Variants in RAPGEF1 observed in about 807,000 individuals in gnomAD.
RAPGEF1 encodes Rap guanine nucleotide exchange factor 1, also known as CRK SH3-binding GNRP.
RAPGEF1 carries 33 observed loss-of-function variants against 143.3 expected under a neutral mutation model. The ratio of observed to expected loss-of-function variants is 0.23; its 90% CI spans 0.17 to 0.31. The LOEUF (loss-of-function observed/expected upper bound fraction) is 0.31. RAPGEF1 is among the 10% of genes least tolerant of loss of function. RAPGEF1 has a pLI of 1.00. For missense variants in RAPGEF1, 1,199 were observed against 1,645.4 expected (o/e 0.73, Z 4.69); for synonymous variants, 629 against 676.5 (o/e 0.93, Z 1.09).
At chr9:131,627,834 T>G (rs1963699836) in intron 9 of RAPGEF1, 79 bp downstream of exon 9, 1 of 1,445,894 alleles carries the variant, frequency 6.9e-7, no homozygotes, top group Non-Finnish European at 9.3e-7. Flanking sequence ...TTGCATGACC[T>G]GGGACTCCCA....
intron 12 of RAPGEF1, among the ~76,000 whole-genome samples, chr9:131,614,964 T>C (rs189814206): frequency 6.6e-6 from 1 of 152,334 alleles, no homozygotes; most frequent in Admixed American, 6.5e-5. Flanking sequence ...TAAAGAAATA[T>C]TTCAACAGAT....
chr9:131,585,165 G>T (rs1268314943), intron 22 of RAPGEF1, among the ~76,000 whole-genome samples: 1 of 152,192 alleles, frequency 6.6e-6, no homozygotes, highest in Non-Finnish European at 1.5e-5. Flanking sequence ...GGGTCACTTG[G>T]AGGTGGTGCC....
rs756243854 is a variant in RAPGEF1 at position 131,630,277 on chromosome 9, C to T, written c.699G>A (p.Thr233=). 7.4e-6 allele frequency: 12 copies of T among 1,613,618 alleles called. No individual in the cohort carries two copies. Among genetic ancestry groups the T allele is most frequent in the South Asian group, 3.3e-5 (3 of 91,042 alleles). ...CAGGGGAACTGGGCTTCACGGGGCT[C>T]GTCGGAGACGGACGTCCCTGCTTCT... ...TIEKQGRPSP[T]SPVKPSSPAS... Residue 233 remains threonine (T), a synonymous_variant, in exon 6 of 27, where the codon ACG becomes ACA. Coordinates refer to ENST00000683357, the MANE Select transcript of RAPGEF1 (RefSeq NM_001377935.1).
At chr9:131,660,717 T>C (rs1198107097) in intron 1 of RAPGEF1, among the ~76,000 whole-genome samples, 1 of 152,220 alleles carries the variant, frequency 6.6e-6, no homozygotes, top group East Asian at 1.9e-4. Flanking sequence ...CTGAGCTGAA[T>C]GCAGCCAGCA....
intron 1 of RAPGEF1, among the ~76,000 whole-genome samples, chr9:131,708,261 T>C (rs556193790): frequency 7.2e-5 from 11 of 152,360 alleles, no homozygotes; most frequent in Admixed American, 7.2e-4. Context: ...TTGCTACTGA[T>C]CAAATGCTAC....
intron 1 of RAPGEF1, chr9:131,737,268 G>A: frequency 7.1e-7 from 1 of 1,414,874 alleles, no homozygotes; most frequent in Non-Finnish European, 9.9e-7. Context: ...GCAGCTCCTG[G>A]TCAGCCCCTT....
intron 12 of RAPGEF1, among the ~76,000 whole-genome samples, chr9:131,617,395 G>A (rs1184089788): frequency 1.3e-5 from 2 of 152,238 alleles, no homozygotes; most frequent in Non-Finnish European, 1.5e-5. Context: ...AGTACCCATT[G>A]GGAGAATGCA....
At chr9:131,656,742 C>T (rs1435277680) in intron 1 of RAPGEF1, among the ~76,000 whole-genome samples, 3 of 152,110 alleles carry the variant, frequency 2.0e-5, no homozygotes, top group Admixed American at 6.5e-5. Flanking sequence ...AAAAAACCCT[C>T]TCAGGTTCAT....
At chr9:131,707,957 C>T (rs1380801635) in intron 1 of RAPGEF1, among the ~76,000 whole-genome samples, 2 of 152,164 alleles carry the variant, frequency 1.3e-5, no homozygotes, top group African/African-American at 4.8e-5. Context: ...ATTCAAATTT[C>T]CCGAACTGTC....
intron 1 of RAPGEF1, among the ~76,000 whole-genome samples, chr9:131,674,617 C>T (rs1464703445): frequency 4.6e-5 from 7 of 152,202 alleles, no homozygotes; most frequent in African/African-American, 9.6e-5. Flanking sequence ...GCTGCTTGGG[C>T]GGTGGGCGCG....
chr9:131,598,782 G>C (rs115974208), intron 15 of RAPGEF1, among the ~76,000 whole-genome samples: 3,013 of 151,692 alleles, frequency 0.02, 103 homozygotes, highest in African/African-American at 0.068. Flanking sequence ...ATAGCCTCTT[G>C]TCCCTGAGGG....
At chr9:131,672,054 G>C (rs1831490810) in intron 1 of RAPGEF1, among the ~76,000 whole-genome samples, 1 of 152,112 alleles carries the variant, frequency 6.6e-6, no homozygotes, top group Non-Finnish European at 1.5e-5. Context: ...TGTAGGTTAG[G>C]GGTCATGTAT....
intron 1 of RAPGEF1, among the ~76,000 whole-genome samples, chr9:131,659,335 T>C (rs1973364692): frequency 6.6e-6 from 1 of 152,180 alleles, no homozygotes; most frequent in Non-Finnish European, 1.5e-5. Flanking sequence ...GGCTTTTTTT[T>C]TAAATCTATT....
chr9:131,604,885 G>GGT (rs58627149), intron 13 of RAPGEF1, 46 bp downstream of exon 13: 64,416 of 1,158,326 alleles, frequency 0.056, 612 homozygotes, highest in African/African-American at 0.14. Context: ...CATGTGCAGG[G>GGT]GTGTGTGTGT....
Position 131,675,701 on chromosome 9 carries a change from G to A in RAPGEF1, c.62-24752C>T, listed in dbSNP as rs1832216559. 2.0e-5 allele frequency among the ~76,000 whole-genome samples: 3 copies of A among 152,348 alleles called. No individual in the cohort carries two copies. The highest frequency in any genetic ancestry group is 6.5e-5 in the Admixed American group (1 of 15,302). Reference sequence around the variant, plus strand: ...GGTAGAGAAGAGGAATTTAAGGCAAGGGTTAGTCAGGAGCTAGTCTACTTC... The same window carrying A: ...GGTAGAGAAGAGGAATTTAAGGCAAAGGTTAGTCAGGAGCTAGTCTACTTC... On this transcript the variant is annotated intron_variant, in intron 1 of 26. Transcript: ENST00000683357. This position sits in a 1 kb window ranked among gnomAD's most constrained non-coding sequence, Gnocchi z 4.6.
chr9:131,605,663 C>T lies in RAPGEF1; in HGVS notation c.2062-475G>A, dbSNP rs1481997738. Among the ~76,000 whole-genome samples, 22 of 152,212 alleles carry T rather than the reference C, an allele frequency of 1.4e-4. 1 individual carries two copies. The South Asian group carries it at 2.5e-3, about 17-fold the overall frequency. ...CACCTTGAATGCTTTTGGAAAGGAG[C>T]GGCACAAACCTTAAGCGTGGCTGGC... On this transcript the variant is annotated intron_variant, in intron 12 of 26. Coordinates refer to ENST00000683357, the MANE Select transcript of RAPGEF1 (RefSeq NM_001377935.1).
chr9:131,615,992 C>A (rs899721632), intron 12 of RAPGEF1, among the ~76,000 whole-genome samples: 2 of 152,076 alleles, frequency 1.3e-5, no homozygotes, highest in African/African-American at 4.8e-5. Flanking sequence ...CGTGGCCAGG[C>A]GCAGTGGCTC....
chr9:131,582,496 G>A (rs192702175), intron 25 of RAPGEF1, 109 bp downstream of exon 25: 101 of 797,128 alleles, frequency 1.3e-4, no homozygotes, highest in Admixed American at 4.8e-4. Flanking sequence ...AAATGTCTCC[G>A]TTAGAAACCC....
At position 131,643,604 on chromosome 9, in the gene RAPGEF1, A is replaced by G. The variant is rs1312920690; in HGVS notation, c.316-187T>C. Among the ~76,000 whole-genome samples, 9 of 152,312 alleles carry G rather than the reference A, an allele frequency of 5.9e-5. No individual in the cohort carries two copies. The East Asian group carries it at 1.3e-3, about 23-fold the overall frequency. ...GGAGACAGAGGGTAGAGCTGAAGGAAGAAGGGGGCTTGGACCAAGATAGCT... is the reference window on the plus strand; with the variant it reads ...GGAGACAGAGGGTAGAGCTGAAGGAGGAAGGGGGCTTGGACCAAGATAGCT... On this transcript the variant is annotated intron_variant, in intron 3 of 26. Transcript: ENST00000683357.
Sources: gnomAD v4.1 joint callset for allele counts (sites outside exome capture counted in the v4.1 genomes callset) on GRCh38, gnomAD v4.1.1 for gene constraint, Gnocchi (gnomAD v3.1) non-coding constraint, MANE v1.5 for transcripts, NCBI Gene and HGNC (gene_info 2026-07-23, HGNC 2026-07-21) for gene names.